Variants in LRRC1 observed in about 807,000 individuals in gnomAD.
LRRC1 encodes the protein leucine rich repeat containing 1.
LRRC1 carries 28 observed loss-of-function variants against 69.9 expected under a neutral mutation model. The observed-to-expected ratio is 0.40, with a 90% confidence interval of 0.30 to 0.55. The LOEUF (loss-of-function observed/expected upper bound fraction) is 0.55, where lower values mean the gene tolerates loss of function less well. LRRC1 is among the 20% of genes least tolerant of loss of function. The pLI is 0.47. For missense variants in LRRC1, 498 were observed against 609.0 expected (o/e 0.82, Z 1.92); for synonymous variants, 236 against 240.2 (o/e 0.98, Z 0.16).
chr6:53,903,328 G>A (rs1232016087), intron 9 of LRRC1, among the ~76,000 whole-genome samples: 1 of 151,990 alleles, frequency 6.6e-6, no homozygotes, highest in Non-Finnish European at 1.5e-5. Context: ...CCAGACAAGG[G>A]CAGGGGCAAT....
rs533165673 is a variant in LRRC1 at position 53,827,518 on chromosome 6, T to C, written c.160-14592T>C. Among the ~76,000 whole-genome samples, 10 of 152,124 alleles carry C rather than the reference T, an allele frequency of 6.6e-5. No homozygotes were observed. The East Asian group carries it at 1.9e-3, about 29-fold the overall frequency. The stretch of plus-strand genomic sequence containing the variant: ...ATCACCTTAATTTTTTCCAGGTAAT[T>C]GGGTAAAGGCCTCAGAGAGGTCGTG... On this transcript the variant is annotated intron_variant, in intron 1 of 13. Coordinates refer to ENST00000370888, the MANE Select transcript of LRRC1 (RefSeq NM_018214.5).
Position 53,801,891 on chromosome 6 carries a change from A to G in LRRC1, c.159+6476A>G, listed in dbSNP as rs74595714. Among the ~76,000 whole-genome samples the G allele has an allele frequency of 2.0e-3, 299 of 152,332 alleles. 4 individuals carry two copies. In the East Asian group the frequency reaches 0.041, roughly 21 times the overall value. On this transcript the variant is annotated intron_variant, in intron 1 of 13. Coordinates refer to ENST00000370888, the MANE Select transcript of LRRC1 (RefSeq NM_018214.5). Reference sequence around the variant, plus strand: ...TAACTGAGTTTTAAGCATTGTATTAAGTGCTCTACATAAATAATTTCTCTA... The same window carrying G: ...TAACTGAGTTTTAAGCATTGTATTAGGTGCTCTACATAAATAATTTCTCTA...
At chr6:53,847,034 G>A (rs9382245) in intron 2 of LRRC1, among the ~76,000 whole-genome samples, 57,587 of 152,020 alleles carry the variant, frequency 0.38, 11,483 homozygotes, top group East Asian at 0.68. Context: ...AGTTTTCCCC[G>A]AAGTGTAAGG....
intron 4 of LRRC1, among the ~76,000 whole-genome samples, chr6:53,894,715 A>G (rs1406350055): frequency 6.6e-6 from 1 of 152,204 alleles, no homozygotes. Flanking sequence ...CTTTTCAAGT[A>G]AAATTATGAT....
rs774850038 is a variant in LRRC1, at chr6:53,795,249, G to C, written c.-8G>C. 1.2e-6 allele frequency: 2 copies of C among 1,600,470 alleles called. No individual in the cohort carries two copies. Among genetic ancestry groups the C allele is most frequent in the South Asian group, 1.1e-5 (1 of 90,110 alleles). On this transcript the variant is annotated 5_prime_UTR_variant, in exon 1 of 14. Coordinates refer to ENST00000370888, the MANE Select transcript of LRRC1 (RefSeq NM_018214.5). Reference sequence around the variant, plus strand: ...TCGGGACCCGGCTAGGCGGCGGCGGGGGCGGCGATGTTCCACTGCATCCCC... The same window carrying C: ...TCGGGACCCGGCTAGGCGGCGGCGGCGGCGGCGATGTTCCACTGCATCCCC...
intron 2 of LRRC1, among the ~76,000 whole-genome samples, chr6:53,842,704 G>A (rs1765828545): frequency 6.6e-6 from 1 of 152,124 alleles, no homozygotes; most frequent in African/African-American, 2.4e-5. Flanking sequence ...CCTGGGGAAG[G>A]GTTGGTTTCT....
At chr6:53,817,395 C>T (rs889245152) in intron 1 of LRRC1, among the ~76,000 whole-genome samples, 1 of 152,058 alleles carries the variant, frequency 6.6e-6, no homozygotes, top group Non-Finnish European at 1.5e-5. Flanking sequence ...ATGATTAAAT[C>T]AAGCTAATTA....
chr6:53,879,660 A>G (rs377687296), intron 3 of LRRC1, among the ~76,000 whole-genome samples: 11 of 152,064 alleles, frequency 7.2e-5, no homozygotes, highest in African/African-American at 2.7e-4. Context: ...AAAAACCCAT[A>G]TCAACATCAC....
intron 1 of LRRC1, among the ~76,000 whole-genome samples, chr6:53,834,861 C>T (rs1265769254): frequency 1.3e-5 from 2 of 152,176 alleles, no homozygotes; most frequent in East Asian, 3.9e-4. Flanking sequence ...ACTCGGGACG[C>T]TGAGGCAGGA....
At chr6:53,903,573 T>A (rs1472398622) in intron 9 of LRRC1, among the ~76,000 whole-genome samples, 1 of 98,706 alleles carries the variant, frequency 1.0e-5, no homozygotes, top group African/African-American at 3.2e-5. Flanking sequence ...TCCTTTTCCT[T>A]TTCGCTTTTC....
At chr6:53,819,508 A>AGTCTT (rs1295572347) in intron 1 of LRRC1, among the ~76,000 whole-genome samples, 10 of 152,124 alleles carry the variant, frequency 6.6e-5, no homozygotes, top group Admixed American at 5.9e-4. Flanking sequence ...TAAAATATTT[A>AGTCTT]GTCTTGGAAT....
chr6:53,923,105 T>G lies in LRRC1; in HGVS notation c.*312T>G. The G allele has an allele frequency of 4.6e-6, 1 of 216,004 alleles. No individual in the cohort carries two copies. The allele number at this position is 216,004 out of a possible 1,614,324, so 13.4% of individuals were successfully genotyped here. A position where few individuals can be genotyped will look rare whatever the true frequency, so the allele number is the denominator to read the frequency against. ...GGGTAAAGGAAAGCAGGAAGGGGAA[T>G]TTTTATCCTCCTCCCTTCCGTAAAG... is the stretch of plus-strand genomic sequence containing the variant. On this transcript the variant is annotated 3_prime_UTR_variant, in exon 14 of 14. Coordinates refer to ENST00000370888, the MANE Select transcript of LRRC1 (RefSeq NM_018214.5).
intron 12 of LRRC1, 80 bp downstream of exon 12, chr6:53,919,750 C>A: frequency 7.8e-7 from 1 of 1,278,294 alleles, no homozygotes; most frequent in Non-Finnish European, 1.1e-6. Flanking sequence ...GCCTCTTACT[C>A]CCTCATGTGA....
chr6:53,896,997 A>T (rs757418224), intron 6 of LRRC1, 105 bp downstream of exon 6: 136 of 758,764 alleles, frequency 1.8e-4, no homozygotes, highest in Non-Finnish European at 2.9e-4. Flanking sequence ...ATTTCCACAG[A>T]TGTAACTTGG....
At chr6:53,809,437 G>A (rs9382240) in intron 1 of LRRC1, among the ~76,000 whole-genome samples, 54,433 of 152,004 alleles carry the variant, frequency 0.36, 10,343 homozygotes, top group East Asian at 0.64. Flanking sequence ...GCCCCACACC[G>A]CTGGTAACTA....
intron 4 of LRRC1, among the ~76,000 whole-genome samples, chr6:53,895,040 C>T (rs1415469466): frequency 6.6e-6 from 1 of 151,982 alleles, no homozygotes; most frequent in African/African-American, 2.4e-5. Flanking sequence ...GCCTCACCCT[C>T]CCAAGTAGCT....
intron 1 of LRRC1, 32 bp downstream of exon 1, chr6:53,795,447 C>G (rs199806487): frequency 6.3e-7 from 1 of 1,589,702 alleles, no homozygotes; most frequent in Non-Finnish European, 8.5e-7. Flanking sequence ...AGCGCTCTGC[C>G]CGCTCGTCTG....
chr6:53,848,248 T>C (rs535472967), intron 2 of LRRC1, among the ~76,000 whole-genome samples: 2 of 152,358 alleles, frequency 1.3e-5, no homozygotes, highest in East Asian at 3.9e-4. Flanking sequence ...ATTGTGAGCC[T>C]CCTCTCTGCC....
At chr6:53,909,116 T>C (rs1275117332) in intron 10 of LRRC1, among the ~76,000 whole-genome samples, 1 of 152,228 alleles carries the variant, frequency 6.6e-6, no homozygotes, top group Non-Finnish European at 1.5e-5. Flanking sequence ...TCTCACATTA[T>C]ACATGGGAGC....
Sources: allele counts gnomAD v4.1 joint callset (sites outside exome capture counted in the v4.1 genomes callset), GRCh38; gene constraint gnomAD v4.1.1; transcripts MANE v1.5; gene names NCBI Gene and HGNC (gene_info 2026-07-23, HGNC 2026-07-21).